The following DNAH14 variants were observed in gnomAD, a reference collection of about 807,000 sequenced individuals.
DNAH14 encodes the protein axonemal beta dynein heavy chain 14.
Under a neutral mutation model 520.9 loss-of-function variants are expected in DNAH14, and 478 were observed. That is an observed-to-expected ratio of 0.92 (90% CI 0.85 to 0.99). The LOEUF (loss-of-function observed/expected upper bound fraction) is 0.99, where lower values mean the gene tolerates loss of function less well. Among genes scored for constraint, DNAH14 ranks in the 50% least tolerant of loss-of-function variants. The probability of loss-of-function intolerance (pLI) is 0.00; values close to 1 mark genes in which losing one functional copy is unlikely to be tolerated. For synonymous variants in DNAH14, 1,581 were observed against 1,757.2 expected (o/e 0.90, Z 2.51); for missense variants, 4,831 against 5,234.5 (o/e 0.92, Z 2.38).
intron 26 of DNAH14, 63 bp downstream of exon 26, chr1:225,119,357 TAC>T (rs901458669): frequency 2.0e-5 from 23 of 1,126,864 alleles, no homozygotes; most frequent in Non-Finnish European, 2.3e-5. Flanking sequence ...CATATATATA[TAC>T]ACACACATTT....
At chr1:224,952,022 T>A (rs915626680) in intron 1 of DNAH14, among the ~76,000 whole-genome samples, 1 of 152,226 alleles carries the variant, frequency 6.6e-6, no homozygotes, top group Non-Finnish European at 1.5e-5. Context: ...CATATTCACT[T>A]GCCAGCTAAA....
At chr1:224,939,244 A>G (rs775332439) in intron 1 of DNAH14, among the ~76,000 whole-genome samples, 9 of 152,222 alleles carry the variant, frequency 5.9e-5, no homozygotes, top group Non-Finnish European at 1.3e-4. Context: ...TGTCTAATAA[A>G]CCAGTTAAAC....
chr1:225,013,377 G>A (rs1397583388), intron 10 of DNAH14, among the ~76,000 whole-genome samples: 1 of 152,114 alleles, frequency 6.6e-6, no homozygotes, highest in Non-Finnish European at 1.5e-5. Context: ...ACCAGCCGGA[G>A]CTCTCCTGTA....
At chr1:225,247,227 G>T (rs6426059) in intron 43 of DNAH14, among the ~76,000 whole-genome samples, 2 of 151,814 alleles carry the variant, frequency 1.3e-5, no homozygotes, top group African/African-American at 2.4e-5. Flanking sequence ...GGCCTGTTGC[G>T]GGGTGGGGGC....
At chr1:224,976,551 A>T (rs917765955) in intron 8 of DNAH14, among the ~76,000 whole-genome samples, 10 of 152,160 alleles carry the variant, frequency 6.6e-5, no homozygotes, top group African/African-American at 2.4e-4. Context: ...TGAACAGGCA[A>T]CCTACAAAAT....
chr1:225,364,705 A>G, intron 75 of DNAH14, 87 bp from the exon 76 acceptor site: 1 of 938,568 alleles, frequency 1.1e-6, no homozygotes, highest in Non-Finnish European at 1.6e-6. Flanking sequence ...TCGTAAGGCC[A>G]CTTCAAACAG....
chr1:225,322,957 C>A, intron 62 of DNAH14, 134 bp downstream of exon 62: 2 of 996,924 alleles, frequency 2.0e-6, no homozygotes, highest in African/African-American at 1.6e-5. Flanking sequence ...TTCTTCCAGG[C>A]AAGAGAGGAG....
At chr1:225,187,703 T>A (rs2084922357) in intron 37 of DNAH14, among the ~76,000 whole-genome samples, 2 of 151,916 alleles carry the variant, frequency 1.3e-5, no homozygotes, top group African/African-American at 4.8e-5. Context: ...GTAGTTTTGG[T>A]GTTGAATACC....
At chr1:225,268,338 AAG>A (rs1360044361) in intron 49 of DNAH14, among the ~76,000 whole-genome samples, 18 of 152,208 alleles carry the variant, frequency 1.2e-4, no homozygotes, top group Admixed American at 3.3e-4. Context: ...TCAAAATAAT[AAG>A]AGCTATTTAT....
intron 49 of DNAH14, among the ~76,000 whole-genome samples, chr1:225,269,352 G>T (rs549173451): frequency 2.6e-5 from 4 of 152,290 alleles, no homozygotes; most frequent in Middle Eastern, 3.4e-3. Context: ...AGACTTAAAT[G>T]TTAGACCTAA....
Position 225,043,130 on chromosome 1 carries a change from C to G in DNAH14, c.1768+16C>G. ...ATTATTTCAGGTAAGACAATTGAGA[C>G]TATAAAGAATGAGGGGTTGCCAGGT... On this transcript the variant is annotated intron_variant, in intron 13 of 85. Coordinates refer to ENST00000682510, the MANE Select transcript of DNAH14 (RefSeq NM_001367479.1). The G allele has an allele frequency of 6.5e-7, 1 of 1,540,598 alleles. No individual in the cohort carries two copies. Among genetic ancestry groups the G allele is most frequent in the African/African-American group, 1.4e-5 (1 of 72,614 alleles).
chr1:225,142,556 A>C (rs2079550800), intron 28 of DNAH14, among the ~76,000 whole-genome samples: 1 of 152,240 alleles, frequency 6.6e-6, no homozygotes. Flanking sequence ...ACACGATTGC[A>C]AGTATCCAAT....
At position 225,305,022 on chromosome 1, in the gene DNAH14, T is replaced by G. The variant is rs940724749; in HGVS notation, c.8938T>G (p.Tyr2980Asp). The change falls in exon 58 of 86, where the codon TAC becomes GAC. Residue 2980 changes from tyrosine to aspartate, a missense_variant. Transcript: ENST00000682510. ...ATTTTATTATACCACTCCCAATAGC[T>G]ACTTGCAATTTATGGAAACATTTGC... ...GRFYYTTPNS[Y>D]LQFMETFAHI... 8 of 1,545,720 alleles carry G rather than the reference T, an allele frequency of 5.2e-6. No individual in the cohort carries two copies. In the African/African-American group the frequency reaches 8.3e-5, roughly 16 times the overall value.
chr1:225,347,904 G>T (rs551400021), intron 71 of DNAH14, among the ~76,000 whole-genome samples: 1 of 151,998 alleles, frequency 6.6e-6, no homozygotes, highest in Non-Finnish European at 1.5e-5. Flanking sequence ...GCCTGACAAG[G>T]AATTTTAAAT....
chr1:225,106,978 C>G (rs1260863876), intron 23 of DNAH14, among the ~76,000 whole-genome samples: 4 of 152,166 alleles, frequency 2.6e-5, no homozygotes, highest in African/African-American at 9.7e-5. Context: ...TCCATTTTTT[C>G]TACTCTGTTT....
chr1:225,335,824 C>CATATGTACGT (rs1308696803), intron 66 of DNAH14, among the ~76,000 whole-genome samples: 2 of 102,880 alleles, frequency 1.9e-5, no homozygotes, highest in Non-Finnish European at 2.0e-5. Flanking sequence ...TGTACATACA[C>CATATGTACGT]ATATGTACAT....
intron 39 of DNAH14, 101 bp from the exon 40 acceptor site, chr1:225,205,870 T>C: frequency 1.0e-6 from 1 of 967,962 alleles, no homozygotes; most frequent in Non-Finnish European, 1.5e-6. Context: ...ATATCTTTCC[T>C]CTTAGAAAAT....
intron 41 of DNAH14, among the ~76,000 whole-genome samples, chr1:225,217,553 A>G (rs921778979): frequency 6.6e-6 from 1 of 152,102 alleles, no homozygotes; most frequent in African/African-American, 2.4e-5. Context: ...GCTCCACCCA[A>G]TTGGAGCTTC....
At chr1:225,127,344 A>G (rs959686174) in intron 27 of DNAH14, among the ~76,000 whole-genome samples, 3 of 151,582 alleles carry the variant, frequency 2.0e-5, no homozygotes, top group Admixed American at 2.0e-4. Flanking sequence ...TGGGAGTCTA[A>G]GTCTCTTTGT....
Sources: allele counts gnomAD v4.1 joint callset (sites outside exome capture counted in the v4.1 genomes callset), GRCh38; gene constraint gnomAD v4.1.1; transcripts MANE v1.5; gene names NCBI Gene and HGNC (gene_info 2026-07-23, HGNC 2026-07-21).